Variants in DENND2A observed in about 807,000 individuals in gnomAD.
The protein encoded by DENND2A is DENN domain containing 2A, also known as DENN domain-containing protein 2A.
Under a neutral mutation model 105.3 loss-of-function variants are expected in DENND2A, and 53 were observed. The ratio of observed to expected loss-of-function variants is 0.50; its 90% CI spans 0.40 to 0.63. DENND2A has a LOEUF of 0.63. Ranked by LOEUF, DENND2A falls within the 30% of genes least tolerant of loss-of-function variation. The pLI is 0.00. For missense variants in DENND2A, 1,138 were observed against 1,279.6 expected, an observed-to-expected ratio of 0.89 and a Z score of 1.69; for synonymous variants, 522 against 508.4, an observed-to-expected ratio of 1.03 and a Z score of -0.36.
rs778598393 is a variant in DENND2A at position 140,601,776 on chromosome 7, C to T, written c.622G>A (p.Gly208Arg). 9.9e-6 allele frequency: 16 copies of T among 1,614,054 alleles called. No individual in the cohort carries two copies. Among genetic ancestry groups the T allele is most frequent in the East Asian group, 2.2e-5 (1 of 44,864 alleles). ...GSTLPENLGG[G>R]SGSEVSQRVH... is the part of the protein sequence containing the mutation. ...CTCTGGCTGACTTCTGAGCCACTCCCGCCTCCCAGGTTCTCAGGAAGGGTG... is the reference window on the plus strand; with the variant it reads ...CTCTGGCTGACTTCTGAGCCACTCCTGCCTCCCAGGTTCTCAGGAAGGGTG... Residue 208 changes from glycine (G) to arginine (R), a missense_variant, in exon 3 of 20, where the codon GGG becomes AGG. Gly to Arg is a moderately radical substitution (Grantham distance 125, BLOSUM62 -2). Coordinates refer to ENST00000496613, the MANE Select transcript of DENND2A (RefSeq NM_015689.5).
At position 140,640,457 on chromosome 7, in the gene DENND2A, T is replaced by G. The variant is rs1801158307; in HGVS notation, c.-248+47A>C. 6.7e-6 allele frequency: 1 copy of G among 149,294 alleles called. No homozygotes were observed. The highest frequency in any genetic ancestry group is 1.5e-5 in the Non-Finnish European group (1 of 67,188). 9.2% of individuals were successfully genotyped at this position (149,294 alleles called of 1,614,324 possible). On this transcript the variant is annotated intron_variant, in intron 1 of 19. Coordinates refer to ENST00000496613, the MANE Select transcript of DENND2A (RefSeq NM_015689.5). The surrounding 1 kb of genome is among the most constrained non-coding windows in gnomAD (Gnocchi z 4.9). ...CGCGCGTCCCCTCCTCCGTCCCCTT[T>G]CCCTCCCCAGCTCGACCCTGCACCC...
At chr7:140,531,098 G>T (rs114742503) in intron 14 of DENND2A, among the ~76,000 whole-genome samples, 2,032 of 152,266 alleles carry the variant, frequency 0.013, 51 homozygotes, top group African/African-American at 0.047. Context: ...CTTTCCCTAA[G>T]GCATCACTTC....
At position 140,588,474 on chromosome 7, in the gene DENND2A, A is replaced by G. The variant is rs576832516; in HGVS notation, c.996-694T>C. Among the ~76,000 whole-genome samples, 122 of 152,282 alleles carry G rather than the reference A, an allele frequency of 8.0e-4. 1 individual carries two copies. Among genetic ancestry groups the G allele is most frequent in the African/African-American group, 2.8e-3 (116 of 41,554 alleles). ...CATTTATGTAGTTCATCCAAGTCTA[A>G]AAGGCTTGTGACTAAGGATATGGAA... On this transcript the variant is annotated intron_variant, in intron 3 of 19. Coordinates refer to ENST00000496613, the MANE Select transcript of DENND2A (RefSeq NM_015689.5).
chr7:140,565,526 G>A (rs1797803485), intron 9 of DENND2A, among the ~76,000 whole-genome samples: 2 of 152,080 alleles, frequency 1.3e-5, no homozygotes, highest in African/African-American at 4.8e-5. Context: ...TGATGTCAAA[G>A]CCTAAGAATA....
At chr7:140,604,897 C>T (rs1799636856) in intron 2 of DENND2A, among the ~76,000 whole-genome samples, 1 of 152,168 alleles carries the variant, frequency 6.6e-6, no homozygotes, top group South Asian at 2.1e-4. Context: ...CATGAGTTAA[C>T]ATGTAATGTG....
At chr7:140,587,996 C>T (rs910284842) in intron 3 of DENND2A, among the ~76,000 whole-genome samples, 10 of 152,144 alleles carry the variant, frequency 6.6e-5, no homozygotes, top group Admixed American at 2.0e-4. Context: ...CTGCAACCTG[C>T]GCTTCCTGGG....
chr7:140,573,672 C>G (rs544673801), intron 6 of DENND2A, 136 bp downstream of exon 6: 1 of 1,023,154 alleles, frequency 9.8e-7, no homozygotes, highest in Non-Finnish European at 1.4e-6. Flanking sequence ...GCTGGCTTCA[C>G]TGTGTCCCCC....
At chr7:140,551,829 A>G (rs1230489961) in intron 12 of DENND2A, among the ~76,000 whole-genome samples, 1 of 152,234 alleles carries the variant, frequency 6.6e-6, no homozygotes, top group Non-Finnish European at 1.5e-5. Context: ...TCCTGGGATC[A>G]GTTAGCTAAA....
At chr7:140,636,852 G>T (rs1358149513) in intron 1 of DENND2A, among the ~76,000 whole-genome samples, 2 of 151,816 alleles carry the variant, frequency 1.3e-5, no homozygotes, top group African/African-American at 4.8e-5. Context: ...ACTGTGTGTG[G>T]TTAATTTCTT....
At position 140,527,926 on chromosome 7, in the gene DENND2A, CCA is replaced by C. The variant is rs1350534773; in HGVS notation, c.2328-433_2328-432del. On this transcript the variant is annotated intron_variant, in intron 14 of 19. Transcript: ENST00000496613. This position sits in a 1 kb window ranked among gnomAD's most constrained non-coding sequence, Gnocchi z 4.9. ...TTGGGCTTACTGCAACCTCTGCCTC[CCA>C]GGTTCAGGTTCAAGCAATTCTCCCA... Among the ~76,000 whole-genome samples the C allele has an allele frequency of 6.6e-6, 1 of 151,990 alleles. No homozygotes were observed. Among genetic ancestry groups the C allele is most frequent in the Non-Finnish European group, 1.5e-5 (1 of 67,998 alleles).
Position 140,602,340 on chromosome 7 carries a change from C to G in DENND2A, c.58G>C (p.Ala20Pro). ...ISDPAAEASR[A>P]GKKQLRGVQN... The stretch of plus-strand genomic sequence containing the variant: ...ACACCTCTGAGCTGCTTCTTCCCAG[C>G]CCTGCTGGCTTCTGCAGCTGGGTCA... The change falls in exon 3 of 20, where the codon GCT (alanine) becomes CCT (proline). Residue 20 changes from alanine to proline, a missense_variant. Physicochemically the swap from Ala to Pro is conservative, Grantham distance 27. Transcript: ENST00000496613. 1 of 1,597,366 alleles carries G rather than the reference C, an allele frequency of 6.3e-7. No homozygotes were observed. Among genetic ancestry groups the G allele is most frequent in the Non-Finnish European group, 8.5e-7 (1 of 1,176,202 alleles).
At chr7:140,561,267 T>C (rs1797601522) in intron 9 of DENND2A, among the ~76,000 whole-genome samples, 2 of 152,200 alleles carry the variant, frequency 1.3e-5, no homozygotes, top group African/African-American at 4.8e-5. Flanking sequence ...TCATCTTTGC[T>C]TATAAACAGG....
In DENND2A at chr7:140,602,504, C is replaced by T. The variant is rs1191390365; in HGVS notation, c.-107G>A. On this transcript the variant is annotated 5_prime_UTR_variant, in exon 3 of 20. Transcript: ENST00000496613. ...AATGGAGGACTAAAGTGGATGCCTT[C>T]GAGGGTCTTTCTCAGTCCTTGGACC... 30 of 1,276,904 alleles carry T rather than the reference C, an allele frequency of 2.3e-5. No individual in the cohort carries two copies. The Admixed American group carries it at 5.8e-4, about 25-fold the overall frequency. The allele number at this position is 1,276,904 out of a possible 1,614,324, so 79.1% of individuals were successfully genotyped here. A position where few individuals can be genotyped will look rare whatever the true frequency, so the allele number is the denominator to read the frequency against.
At position 140,529,781 on chromosome 7, in the gene DENND2A, C is replaced by T. The variant is rs371650939; in HGVS notation, c.2328-2286G>A. On this transcript the variant is annotated intron_variant, in intron 14 of 19. Coordinates refer to ENST00000496613, the MANE Select transcript of DENND2A (RefSeq NM_015689.5). Reference sequence around the variant, plus strand: ...ACACAGGAAGGGGAACATCACACACCGGGGCCTGTTGTGGGGTAGGGGGAC... The same window carrying T: ...ACACAGGAAGGGGAACATCACACACTGGGGCCTGTTGTGGGGTAGGGGGAC... 1.7e-4 allele frequency among the ~76,000 whole-genome samples: 24 copies of T among 140,312 alleles called. 1 individual carries two copies. Among genetic ancestry groups the T allele is most frequent in the Admixed American group, 6.5e-4 (9 of 13,824 alleles). The allele number at this position is 140,312 out of a possible 152,430, so 92.1% of individuals were successfully genotyped here.
At chr7:140,633,999 CTT>C (rs758022614) in intron 1 of DENND2A, among the ~76,000 whole-genome samples, 9 of 142,092 alleles carry the variant, frequency 6.3e-5, no homozygotes, top group Non-Finnish European at 7.7e-5. Flanking sequence ...AAATAGATTT[CTT>C]TTTTTTTTTT....
At chr7:140,561,330 G>A (rs545192670) in intron 9 of DENND2A, among the ~76,000 whole-genome samples, 2 of 152,182 alleles carry the variant, frequency 1.3e-5, no homozygotes, top group African/African-American at 4.8e-5. Flanking sequence ...TTGTTAATAG[G>A]TTTATACTTG....
At chr7:140,544,574 G>C (rs375246547) in intron 14 of DENND2A, 44 bp downstream of exon 14, 1 of 1,613,250 alleles carries the variant, frequency 6.2e-7, no homozygotes, top group Admixed American at 1.7e-5. Context: ...GTCCAAGAGC[G>C]ACTGTCATTC....
chr7:140,553,187 G>C (rs1172712698), intron 12 of DENND2A, among the ~76,000 whole-genome samples: 1 of 152,160 alleles, frequency 6.6e-6, no homozygotes, highest in Non-Finnish European at 1.5e-5. Flanking sequence ...TCTCCGAGAG[G>C]GGGATGTGTC....
At chr7:140,546,458 A>C (rs892370783) in intron 13 of DENND2A, among the ~76,000 whole-genome samples, 3 of 152,206 alleles carry the variant, frequency 2.0e-5, no homozygotes, top group Admixed American at 1.3e-4. Flanking sequence ...GGTGATACAG[A>C]CTTGAAATGT....
Sources: allele counts gnomAD v4.1 joint callset (sites outside exome capture counted in the v4.1 genomes callset), GRCh38; gene constraint gnomAD v4.1.1; non-coding constraint Gnocchi (gnomAD v3.1); transcripts MANE v1.5; gene names NCBI Gene and HGNC (gene_info 2026-07-23, HGNC 2026-07-21).